Variants in IPCEF1 observed in about 807,000 individuals in gnomAD.
IPCEF1 encodes the protein interactor protein for cytohesin exchange factors 1.
In IPCEF1, 31 loss-of-function variants were observed where a neutral mutation model predicts 50.9. The observed-to-expected ratio is 0.61, with a 90% CI of 0.46 to 0.82. IPCEF1 has a LOEUF of 0.82. Among genes scored for constraint, IPCEF1 ranks in the 40% least tolerant of loss-of-function variants. The probability of loss-of-function intolerance (pLI) is 0.00; values close to 1 mark genes in which losing one functional copy is unlikely to be tolerated. For missense variants in IPCEF1, 458 were observed against 514.0 expected (o/e 0.89, Z 1.05); for synonymous variants, 181 against 192.0 (o/e 0.94, Z 0.47).
chr6:154,294,607 C>T (rs1172366420), intron 1 of IPCEF1, among the ~76,000 whole-genome samples: 2 of 152,054 alleles, frequency 1.3e-5, no homozygotes, highest in African/African-American at 4.8e-5. Flanking sequence ...ATTCTGGCTT[C>T]CCCTGTTCTG....
chr6:154,245,606 A>G (rs78652300), intron 5 of IPCEF1, among the ~76,000 whole-genome samples: 2,791 of 152,338 alleles, frequency 0.018, 40 homozygotes, highest in Middle Eastern at 0.075. Flanking sequence ...AATGACATGC[A>G]TGCCCACGTC....
At chr6:154,280,430 TA>T (rs3070843) in intron 2 of IPCEF1, among the ~76,000 whole-genome samples, 6,962 of 151,088 alleles carry the variant, frequency 0.046, 492 homozygotes, top group African/African-American at 0.16. Flanking sequence ...AAAAAATTGT[TA>T]AAAAAAAATG....
intron 3 of IPCEF1, among the ~76,000 whole-genome samples, chr6:154,258,836 T>C (rs934459091): frequency 1.3e-5 from 2 of 152,230 alleles, no homozygotes; most frequent in African/African-American, 4.8e-5. Flanking sequence ...CAAGACAGAA[T>C]TGATGTTCTT....
At chr6:154,258,447 T>C (rs1037370891) in intron 3 of IPCEF1, among the ~76,000 whole-genome samples, 2 of 152,222 alleles carry the variant, frequency 1.3e-5, no homozygotes, top group African/African-American at 2.4e-5. Context: ...CACCATGTTT[T>C]GCTATGCCTC....
At chr6:154,310,850 G>T (rs1783060532) in intron 1 of IPCEF1, among the ~76,000 whole-genome samples, 1 of 152,164 alleles carries the variant, frequency 6.6e-6, no homozygotes, top group South Asian at 2.1e-4. Context: ...GGCTGGGGAT[G>T]GTTGGGGAAG....
chr6:154,207,226 A>G (rs1777575428), intron 9 of IPCEF1, among the ~76,000 whole-genome samples: 1 of 152,348 alleles, frequency 6.6e-6, no homozygotes, highest in South Asian at 2.1e-4. Context: ...GCAGGCTGTG[A>G]ATGAAGATGA....
intron 9 of IPCEF1, among the ~76,000 whole-genome samples, chr6:154,204,813 T>C (rs2128597017): frequency 6.6e-6 from 1 of 152,278 alleles, no homozygotes; most frequent in Non-Finnish European, 1.5e-5. Context: ...AAAACCCTCT[T>C]ATAACTGCCC....
intron 8 of IPCEF1, among the ~76,000 whole-genome samples, chr6:154,213,594 C>G (rs544655713): frequency 2.0e-5 from 3 of 152,170 alleles, no homozygotes; most frequent in African/African-American, 4.8e-5. Context: ...CTCCCTGCTT[C>G]CAATTTCCAA....
chr6:154,192,382 TTAGA>T (rs1319925786), intron 10 of IPCEF1, among the ~76,000 whole-genome samples: 11 of 151,260 alleles, frequency 7.3e-5, no homozygotes, highest in Middle Eastern at 3.2e-3. Context: ...ATGGAGTATT[TTAGA>T]TAGAGAGAGA....
At chr6:154,282,389 G>A (rs1782239899) in intron 2 of IPCEF1, among the ~76,000 whole-genome samples, 1 of 152,054 alleles carries the variant, frequency 6.6e-6, no homozygotes, top group African/African-American at 2.4e-5. Flanking sequence ...GTGGTAAGAA[G>A]TAGATGGATC....
chr6:154,305,966 G>T (rs1394615089), intron 1 of IPCEF1, among the ~76,000 whole-genome samples: 1 of 152,172 alleles, frequency 6.6e-6, no homozygotes, highest in African/African-American at 2.4e-5. Context: ...TTTGGGACTT[G>T]GACTGACTTC....
At chr6:154,312,178 C>T (rs771426535) in intron 1 of IPCEF1, among the ~76,000 whole-genome samples, 2 of 152,042 alleles carry the variant, frequency 1.3e-5, no homozygotes, top group African/African-American at 2.4e-5. Flanking sequence ...ACAGATGAAC[C>T]TGGAGGACAT....
intron 3 of IPCEF1, among the ~76,000 whole-genome samples, chr6:154,264,741 G>A (rs1370546322): frequency 6.6e-6 from 1 of 152,064 alleles, no homozygotes; most frequent in African/African-American, 2.4e-5. Flanking sequence ...TAATTAGAAT[G>A]AGCACCGGAA....
chr6:154,164,465 TG>T (rs1487630210), intron 11 of IPCEF1, among the ~76,000 whole-genome samples: 1 of 152,212 alleles, frequency 6.6e-6, no homozygotes, highest in African/African-American at 2.4e-5. Context: ...CCAGGCATCC[TG>T]GGGCTGGGCC....
intron 5 of IPCEF1, among the ~76,000 whole-genome samples, chr6:154,243,350 G>A (rs1270795508): frequency 3.3e-5 from 5 of 152,148 alleles, no homozygotes; most frequent in Non-Finnish European, 7.3e-5. Context: ...TGTGTGCCGC[G>A]TCACACTAAG....
intron 3 of IPCEF1, among the ~76,000 whole-genome samples, chr6:154,260,007 C>A (rs1781556343): frequency 6.6e-6 from 1 of 152,134 alleles, no homozygotes; most frequent in Non-Finnish European, 1.5e-5. Context: ...ACACGACGAG[C>A]ACGGAGATGG....
At chr6:154,208,484 A>G (rs1028341259) in intron 9 of IPCEF1, among the ~76,000 whole-genome samples, 14 of 152,050 alleles carry the variant, frequency 9.2e-5, no homozygotes, top group Non-Finnish European at 1.6e-4. Flanking sequence ...TGTAGCATAT[A>G]TTTTCCTTAT....
chr6:154,315,196 A>T (rs960327236), intron 1 of IPCEF1, among the ~76,000 whole-genome samples: 1 of 152,124 alleles, frequency 6.6e-6, no homozygotes, highest in Non-Finnish European at 1.5e-5. Context: ...TAGTGTGATT[A>T]CTTGATTAAC....
intron 1 of IPCEF1, among the ~76,000 whole-genome samples, chr6:154,348,659 G>T (rs1169317815): frequency 2.6e-5 from 4 of 152,136 alleles, no homozygotes; most frequent in Middle Eastern, 3.2e-3. Context: ...AAAAGAGGTT[G>T]GGATTTGTGC....
Sources: allele counts gnomAD v4.1 joint callset (sites outside exome capture counted in the v4.1 genomes callset), GRCh38; gene constraint gnomAD v4.1.1; transcripts MANE v1.5; gene names NCBI Gene and HGNC (gene_info 2026-07-23, HGNC 2026-07-21).